Variants in AKAP8 observed in about 807,000 individuals in gnomAD.
AKAP8 encodes the protein A-kinase anchor protein 8.
Under a neutral mutation model 67.5 loss-of-function variants are expected in AKAP8, and 24 were observed. The ratio of observed to expected loss-of-function variants is 0.36; its 90% CI spans 0.26 to 0.50. AKAP8 has a LOEUF of 0.50. AKAP8 is among the 20% of genes least tolerant of loss of function. The pLI is 0.97. For synonymous variants in AKAP8, 400 were observed against 371.1 expected (o/e 1.08, Z -0.90); for missense variants, 971 against 955.9 (o/e 1.02, Z -0.21).
chr19:15,362,504 C>T (rs1283663334), intron 9 of AKAP8, among the ~76,000 whole-genome samples: 11 of 151,920 alleles, frequency 7.2e-5, no homozygotes, highest in African/African-American at 1.7e-4. Context: ...ATTGCAGGCG[C>T]GCGCCGCCAC....
At position 15,372,958 on chromosome 19, in the gene AKAP8, T is replaced by C. The variant is rs1313724494; in HGVS notation, c.754A>G (p.Met252Val). Residue 252 changes from methionine (M) to valine (V), a missense_variant, in exon 5 of 14, where the codon ATG becomes GTG. This residue lies in a region of AKAP8 where 763 missense variants were observed against 745.4 expected (regional missense o/e 1.02). Transcript: ENST00000269701. ...CCCATCACGCCGTAGTCGGGAGCCA[T>C]GGACTGGGAGAAGAGGGACGGAGGT... ...RPPPSLFSQS[M>V]APDYGVMGMQ... is the part of the protein sequence containing the mutation. The C allele has an allele frequency of 2.6e-6, 4 of 1,555,078 alleles. No individual in the cohort carries two copies. The highest frequency in any genetic ancestry group is 1.9e-5 in the Admixed American group (1 of 51,722).
At chr19:15,374,426 C>T (rs1465902760) in intron 3 of AKAP8, among the ~76,000 whole-genome samples, 177 bp downstream of exon 3, 3 of 152,188 alleles carry the variant, frequency 2.0e-5, no homozygotes, top group African/African-American at 4.8e-5. Context: ...CCCCTGAGGC[C>T]GCCCACCACA....
chr19:15,375,047 C>T (rs1276892262), intron 2 of AKAP8, among the ~76,000 whole-genome samples: 1 of 152,190 alleles, frequency 6.6e-6, no homozygotes, highest in Non-Finnish European at 1.5e-5. Flanking sequence ...GTCCTCAACT[C>T]AAGCGAAAAA....
At position 15,372,915 on chromosome 19, in the gene AKAP8, C is replaced by A; in HGVS notation, c.797G>T (p.Gly266Val). 2 of 1,520,728 alleles carry A rather than the reference C, an allele frequency of 1.3e-6. No individual in the cohort carries two copies. The highest frequency in any genetic ancestry group is 1.8e-6 in the Non-Finnish European group (2 of 1,135,132). The allele number at this position is 1,520,728 out of a possible 1,614,324, so 94.2% of individuals were successfully genotyped here. The change falls in exon 5 of 14, where the codon GGC becomes GTC. Residue 266 changes from glycine to valine, a missense_variant. By Grantham distance (109) the Gly-to-Val change is moderately radical. Coordinates refer to ENST00000269701, the MANE Select transcript of AKAP8 (RefSeq NM_005858.4). Reference protein sequence around the residue: ...YGVMGMQGAGGYDSTMPYGCG... With the variant: ...YGVMGMQGAGVYDSTMPYGCG... The stretch of plus-strand genomic sequence containing the variant: ...TCCGTAGGGCATGGTGCTGTCATAG[C>A]CGCCCGCCCCCTGCATGCCCATCAC...
chr19:15,367,604 A>G (rs914332142), intron 9 of AKAP8, among the ~76,000 whole-genome samples: 2 of 152,216 alleles, frequency 1.3e-5, no homozygotes, highest in African/African-American at 4.8e-5. Flanking sequence ...TCACATGATC[A>G]CTGGTGATTT....
At chr19:15,364,548 A>G (rs1256810891) in intron 9 of AKAP8, among the ~76,000 whole-genome samples, 4 of 151,944 alleles carry the variant, frequency 2.6e-5, no homozygotes, top group Non-Finnish European at 5.9e-5. Flanking sequence ...ACGTGGTTTC[A>G]CCATGGTGGC....
In AKAP8 at chr19:15,379,444, C is replaced by T. The variant is rs574409201; in HGVS notation, c.19+269G>A. 219 of 454,772 alleles carry T rather than the reference C, an allele frequency of 4.8e-4. 1 individual carries two copies. In the East Asian group the frequency reaches 8.0e-3, roughly 17 times the overall value. The allele number at this position is 454,772 out of a possible 1,614,324, so 28.2% of individuals were successfully genotyped here. A position where few individuals can be genotyped will look rare whatever the true frequency, so the allele number is the denominator to read the frequency against. On this transcript the variant is annotated intron_variant, in intron 1 of 13. Transcript: ENST00000269701. ...AAAACGGCCCACACTGTCTAAGACG[C>T]CCCCACGAAGCCCACCGCGGCGTCT...
At chr19:15,372,707 G>T (rs1967180393) in intron 5 of AKAP8, 144 bp downstream of exon 5, 2 of 1,240,106 alleles carry the variant, frequency 1.6e-6, no homozygotes, top group South Asian at 2.0e-5. Flanking sequence ...GGTGGGGATG[G>T]TTGCACAATC....
At chr19:15,374,186 T>G in intron 3 of AKAP8, 121 bp from the exon 4 acceptor site, 3 of 1,198,440 alleles carry the variant, frequency 2.5e-6, no homozygotes, top group Non-Finnish European at 3.4e-6. Context: ...GACCCAGTGC[T>G]GCTGGCATCA....
rs1008912922 is a variant in AKAP8, at chr19:15,369,494, A to G, written c.1072+652T>C. On this transcript the variant is annotated intron_variant, in intron 8 of 13. Transcript: ENST00000269701. The surrounding 1 kb of genome is among the most constrained non-coding windows in gnomAD (Gnocchi z 4.6). Reference sequence around the variant, plus strand: ...AACGAGTGGCTTCAGGGTGAGCTCCAGGCCGCGGCACCTCAGGCCGCTCTG... The same window carrying G: ...AACGAGTGGCTTCAGGGTGAGCTCCGGGCCGCGGCACCTCAGGCCGCTCTG... Among the ~76,000 whole-genome samples, 1 of 152,212 alleles carries G rather than the reference A, an allele frequency of 6.6e-6. No homozygotes were observed.
chr19:15,367,953 G>C (rs1407671190), intron 9 of AKAP8, among the ~76,000 whole-genome samples: 1 of 152,268 alleles, frequency 6.6e-6, no homozygotes, highest in East Asian at 1.9e-4. Flanking sequence ...CAGAGGAATA[G>C]AGACACAGGA....
chr19:15,378,070 GC>G (rs1967285260), intron 1 of AKAP8, among the ~76,000 whole-genome samples: 2 of 152,210 alleles, frequency 1.3e-5, no homozygotes, highest in South Asian at 4.1e-4. Flanking sequence ...CCGGCTAAGT[GC>G]CTAGTGCGTG....
chr19:15,375,760 C>T (rs577885536), intron 2 of AKAP8, among the ~76,000 whole-genome samples: 7 of 151,938 alleles, frequency 4.6e-5, no homozygotes, highest in South Asian at 2.1e-4. Flanking sequence ...TCTCAGCCTC[C>T]GGAGTAGCTG....
intron 13 of AKAP8, among the ~76,000 whole-genome samples, chr19:15,358,056 T>A (rs1966907740): frequency 6.6e-6 from 1 of 152,174 alleles, no homozygotes; most frequent in Non-Finnish European, 1.5e-5. Flanking sequence ...TGGAAGTGTT[T>A]AGTAACTGAG....
At position 15,379,768 on chromosome 19, in the gene AKAP8, G is replaced by A. The variant is rs747520628; in HGVS notation, c.-37C>T. 7 of 1,609,598 alleles carry A rather than the reference G, an allele frequency of 4.3e-6. No individual in the cohort carries two copies. The South Asian group carries it at 6.6e-5, about 15-fold the overall frequency. ...GGCCCACCAGCAGCCCCGTTTACTA[G>A]GCGACCACAGCACGCATGCGTTCAG... On this transcript the variant is annotated 5_prime_UTR_variant, in exon 1 of 14. Coordinates refer to ENST00000269701, the MANE Select transcript of AKAP8 (RefSeq NM_005858.4).
intron 7 of AKAP8, among the ~76,000 whole-genome samples, chr19:15,370,726 G>C (rs1165170365): frequency 7.3e-6 from 1 of 137,176 alleles, no homozygotes; most frequent in Non-Finnish European, 1.5e-5. Flanking sequence ...CTGCTTCCTG[G>C]GTTGAAGCAA....
chr19:15,369,994 C>T lies in AKAP8; in HGVS notation c.1072+152G>A, dbSNP rs545477358. 4.1e-5 allele frequency: 36 copies of T among 888,360 alleles called. 1 individual carries two copies. In the South Asian group the frequency reaches 5.1e-4, roughly 13 times the overall value. The allele number at this position is 888,360 out of a possible 1,614,324, so 55.0% of individuals were successfully genotyped here. A position where few individuals can be genotyped will look rare whatever the true frequency, so the allele number is the denominator to read the frequency against. On this transcript the variant is annotated intron_variant, in intron 8 of 13. Coordinates refer to ENST00000269701, the MANE Select transcript of AKAP8 (RefSeq NM_005858.4). This position sits in a 1 kb window ranked among gnomAD's most constrained non-coding sequence, Gnocchi z 4.6. ...TTGAAGCAAAGTGTTGGCTGATCGC[C>T]ACGGTCAAGGCCCATCTGGTGGCTG...
chr19:15,361,511 C>T (rs964911223), intron 11 of AKAP8: 6 of 444,810 alleles, frequency 1.3e-5, no homozygotes, highest in African/African-American at 6.1e-5. Context: ...CCACCACGCC[C>T]GGCTAATTTT....
At chr19:15,366,334 G>T (rs774541301) in intron 9 of AKAP8, among the ~76,000 whole-genome samples, 1 of 152,014 alleles carries the variant, frequency 6.6e-6, no homozygotes. Context: ...AAAAGAAAAT[G>T]TCATCTCAGT....
Sources: gnomAD v4.1 joint callset for allele counts (sites outside exome capture counted in the v4.1 genomes callset) on GRCh38, gnomAD v4.1.1 for gene constraint, gnomAD v4.1.1 regional missense constraint, Gnocchi (gnomAD v3.1) non-coding constraint, MANE v1.5 for transcripts, NCBI Gene and HGNC (gene_info 2026-07-23, HGNC 2026-07-21) for gene names.